The following SPATA6 variants were observed in gnomAD, a reference collection of about 807,000 sequenced individuals.
The protein encoded by SPATA6 is spermatogenesis associated 6, also known as spermatogenesis-associated protein 6.
In SPATA6, 56 loss-of-function variants were observed where a neutral mutation model predicts 65.3. That is an observed-to-expected ratio of 0.86 (90% CI 0.69 to 1.07). The LOEUF (loss-of-function observed/expected upper bound fraction) is 1.07. Among genes scored for constraint, SPATA6 ranks in the 50% least tolerant of loss-of-function variants. SPATA6 has a pLI of 0.00. For missense variants in SPATA6, 590 were observed against 594.8 expected, an observed-to-expected ratio of 0.99 and a Z score of 0.08; for synonymous variants, 199 against 213.2, an observed-to-expected ratio of 0.93 and a Z score of 0.58.
chr1:48,298,959 A>T, intron 12 of SPATA6, 66 bp from the exon 13 acceptor site: 1 of 1,485,828 alleles, frequency 6.7e-7, no homozygotes, highest in Non-Finnish European at 9.1e-7. Flanking sequence ...TACTATGTAA[A>T]TCAAATATTT....
the SPATA6 span, among the ~76,000 whole-genome samples, chr1:48,276,579 C>T: frequency 2.6e-5 from 4 of 151,974 alleles, no homozygotes; most frequent in African/African-American, 4.8e-5. Flanking sequence ...TCTGCCGTTA[C>T]GTCCTTATTT....
At chr1:48,451,781 T>C (rs1465756447) in intron 2 of SPATA6, among the ~76,000 whole-genome samples, 181 bp from the exon 3 acceptor site, 2 of 152,214 alleles carry the variant, frequency 1.3e-5, no homozygotes, top group Non-Finnish European at 2.9e-5. Flanking sequence ...TAGCTTGTGC[T>C]GCCTCCGTCT....
chr1:48,428,817 A>G (rs142517660), intron 3 of SPATA6, among the ~76,000 whole-genome samples: 52 of 97,612 alleles, frequency 5.3e-4, no homozygotes, highest in Admixed American at 3.6e-3. Flanking sequence ...GTGTATATGT[A>G]TATATATGTG....
In SPATA6 at chr1:48,305,871, C is replaced by T. The variant is rs369101569; in HGVS notation, c.1202G>A (p.Arg401Lys). The change falls in exon 12 of 13, where the codon AGA becomes AAA. Residue 401 changes from arginine (R) to lysine (K), a missense_variant. Coordinates refer to ENST00000371847, the MANE Select transcript of SPATA6 (RefSeq NM_019073.4). The stretch of plus-strand genomic sequence containing the variant: ...CAGTTCATCATCTTTCTCTAGGTCT[C>T]TCTCATCCTGAAAAATTTTAAAGAT... ...QAHQRHLYDE[R>K]DLEKDDELEL... The T allele has an allele frequency of 2.5e-6, 4 of 1,610,776 alleles. No individual in the cohort carries two copies. In the African/African-American group the frequency reaches 4.0e-5, roughly 16 times the overall value.
chr1:48,343,484 A>G (rs745859745), intron 11 of SPATA6, among the ~76,000 whole-genome samples: 34 of 152,222 alleles, frequency 2.2e-4, no homozygotes, highest in Non-Finnish European at 3.5e-4. Context: ...AGATAAGAAA[A>G]TTCAATACTT....
intron 3 of SPATA6, chr1:48,435,846 AGTC>A: frequency 1.9e-6 from 2 of 1,062,986 alleles, no homozygotes; most frequent in South Asian, 2.8e-5. Context: ...GCCTGAAGAG[AGTC>A]GCTGGCCATG....
At chr1:48,306,537 G>A (rs1489423785) in intron 11 of SPATA6, among the ~76,000 whole-genome samples, 1 of 151,876 alleles carries the variant, frequency 6.6e-6, no homozygotes, top group Non-Finnish European at 1.5e-5. Flanking sequence ...TCATATGTGT[G>A]GTAATGGTAT....
In SPATA6 at chr1:48,359,767, T is replaced by C; in HGVS notation, c.913A>G (p.Ile305Val). The change falls in exon 10 of 13, where the codon ATC (isoleucine) becomes GTC (valine). Residue 305 changes from isoleucine (I) to valine (V), a missense_variant. By Grantham distance (29) the Ile-to-Val change is conservative. Transcript: ENST00000371847. ...AAGTCTCTCCCATGGGGTGTCCTGATAACCTGTTTTAAAAATTATATACAT... is the reference window on the plus strand; with the variant it reads ...AAGTCTCTCCCATGGGGTGTCCTGACAACCTGTTTTAAAAATTATATACAT... ...GCCRPKDYKV[I>V]RTPHGRDFDD... 1 of 1,604,350 alleles carries C rather than the reference T, an allele frequency of 6.2e-7. No homozygotes were observed. Among genetic ancestry groups the C allele is most frequent in the Non-Finnish European group, 8.5e-7 (1 of 1,175,312 alleles).
chr1:48,307,506 C>T (rs1297205171), intron 11 of SPATA6, among the ~76,000 whole-genome samples: 1 of 150,740 alleles, frequency 6.6e-6, no homozygotes, highest in Admixed American at 6.6e-5. Context: ...TATTCACAAA[C>T]AAGGAGGCAA....
chr1:48,325,825 C>T lies in SPATA6; in HGVS notation c.1195-19947G>A, dbSNP rs184637714. 27 of 428,460 alleles carry T rather than the reference C, an allele frequency of 6.3e-5. No individual in the cohort carries two copies. The East Asian group carries it at 1.4e-3, about 23-fold the overall frequency. The allele number at this position is 428,460 out of a possible 1,614,324, so 26.5% of individuals were successfully genotyped here. On this transcript the variant is annotated intron_variant, in intron 11 of 12. Coordinates refer to ENST00000371847, the MANE Select transcript of SPATA6 (RefSeq NM_019073.4). ...TTTGCTGAGGCTTGTGAGGCTCCAA[C>T]TGAATGTGACCAAGAAAGTGCTGTG...
the SPATA6 span, among the ~76,000 whole-genome samples, chr1:48,278,747 G>C: frequency 1.3e-5 from 2 of 152,172 alleles, no homozygotes; most frequent in African/African-American, 4.8e-5. Flanking sequence ...AACCAAGTTG[G>C]AAAACACTCT....
downstream of SPATA6, among the ~76,000 whole-genome samples, chr1:48,294,510 G>T (rs1292385399): frequency 6.6e-6 from 1 of 151,966 alleles, no homozygotes; most frequent in Non-Finnish European, 1.5e-5. Context: ...TAAATTAGGA[G>T]AAAAACAAAA....
intron 8 of SPATA6, among the ~76,000 whole-genome samples, chr1:48,392,781 T>C (rs931272413): frequency 6.6e-6 from 1 of 152,144 alleles, no homozygotes; most frequent in Admixed American, 6.5e-5. Context: ...GAAGAATTTC[T>C]ATTAAAGTAA....
intron 9 of SPATA6, among the ~76,000 whole-genome samples, chr1:48,371,357 A>G (rs1178080129): frequency 6.6e-6 from 1 of 152,222 alleles, no homozygotes; most frequent in Non-Finnish European, 1.5e-5. Context: ...TTAACTTGCT[A>G]AATGATAGCT....
At chr1:48,385,713 AC>A (rs1440959215) in intron 8 of SPATA6, among the ~76,000 whole-genome samples, 1 of 152,298 alleles carries the variant, frequency 6.6e-6, no homozygotes, top group East Asian at 1.9e-4. Context: ...ATATTGTCAA[AC>A]TATATGTTTC....
intron 3 of SPATA6, among the ~76,000 whole-genome samples, chr1:48,432,664 C>A (rs1288411364): frequency 6.6e-6 from 1 of 152,060 alleles, no homozygotes; most frequent in East Asian, 1.9e-4. Context: ...AAATTGGAAT[C>A]CTTGTGCAGT....
chr1:48,468,559 T>C (rs576129247), intron 1 of SPATA6, among the ~76,000 whole-genome samples: 2 of 152,296 alleles, frequency 1.3e-5, no homozygotes, highest in South Asian at 4.1e-4. Context: ...TATTTCTCTC[T>C]GGAAAGCAGT....
rs374417666 is a variant in SPATA6 at position 48,426,632 on chromosome 1, T to C, written c.239-13481A>G. Among the ~76,000 whole-genome samples, 16 of 151,342 alleles carry C rather than the reference T, an allele frequency of 1.1e-4. No homozygotes were observed. In the South Asian group the frequency reaches 3.3e-3, roughly 31 times the overall value. ...CTGAATCAATCTTCCTTCTAAGAGATAAGAAAAAAAAAATTTTTTTAATTT... is the reference window on the plus strand; with the variant it reads ...CTGAATCAATCTTCCTTCTAAGAGACAAGAAAAAAAAAATTTTTTTAATTT... On this transcript the variant is annotated intron_variant, in intron 3 of 12. Transcript: ENST00000371847.
At chr1:48,308,301 AGAT>A (rs1346305688) in intron 11 of SPATA6, among the ~76,000 whole-genome samples, 2 of 152,064 alleles carry the variant, frequency 1.3e-5, no homozygotes, top group Non-Finnish European at 2.9e-5. Flanking sequence ...ATCTAAGTTT[AGAT>A]GATATCAACT....
Sources: allele counts gnomAD v4.1 joint callset (sites outside exome capture counted in the v4.1 genomes callset), GRCh38; gene constraint gnomAD v4.1.1; transcripts MANE v1.5; gene names NCBI Gene and HGNC (gene_info 2026-07-23, HGNC 2026-07-21).